C1QTNF3: variants seen among roughly 807,000 people sequenced by gnomAD.
C1QTNF3 encodes C1q and TNF related 3.
In C1QTNF3, 26 loss-of-function variants were observed where a neutral mutation model predicts 32.6. That is an observed-to-expected ratio of 0.80 (90% CI 0.58 to 1.11). The LOEUF is 1.11. C1QTNF3 is among the 50% of genes least tolerant of loss of function. The probability of loss-of-function intolerance (pLI) is 0.00; values close to 1 mark genes in which losing one functional copy is unlikely to be tolerated. For missense variants in C1QTNF3, 362 were observed against 398.2 expected (o/e 0.91, Z 0.77); for synonymous variants, 155 against 146.0 (o/e 1.06, Z -0.44).
At chr5:34,225,783 G>A in the C1QTNF3 span, among the ~76,000 whole-genome samples, 2 of 151,724 alleles carry the variant, frequency 1.3e-5, no homozygotes, top group East Asian at 1.9e-4. Context: ...TCTTTATGGT[G>A]ACAAATCTCA....
chr5:34,044,667 G>A (rs981799449), upstream of C1QTNF3, among the ~76,000 whole-genome samples: 3 of 152,176 alleles, frequency 2.0e-5, no homozygotes, highest in African/African-American at 7.2e-5. Context: ...TTGGTGCTGG[G>A]GACGGAGGGA....
the C1QTNF3 span, among the ~76,000 whole-genome samples, chr5:34,221,148 T>A: frequency 6.6e-5 from 10 of 152,128 alleles, no homozygotes; most frequent in Admixed American, 1.3e-4. Flanking sequence ...TGAATTTTTT[T>A]AAATGATTCC....
chr5:34,231,246 G>A, the C1QTNF3 span, among the ~76,000 whole-genome samples: 1 of 152,160 alleles, frequency 6.6e-6, no homozygotes. Flanking sequence ...GTCATCTTTT[G>A]TAAAGTTATG....
chr5:34,197,564 A>C, the C1QTNF3 span, among the ~76,000 whole-genome samples: 1 of 152,184 alleles, frequency 6.6e-6, no homozygotes, highest in Non-Finnish European at 1.5e-5. Flanking sequence ...TTAATGGCTT[A>C]AAATAACAAA....
chr5:34,092,107 T>C, the C1QTNF3 span, among the ~76,000 whole-genome samples: 1 of 151,772 alleles, frequency 6.6e-6, no homozygotes, highest in Non-Finnish European at 1.5e-5. Flanking sequence ...TCATAATCGT[T>C]ACTCAATAAT....
chr5:34,090,490 T>C, the C1QTNF3 span, among the ~76,000 whole-genome samples: 1 of 151,148 alleles, frequency 6.6e-6, no homozygotes, highest in African/African-American at 2.4e-5. Context: ...AGATTTTTCA[T>C]AGAGCAGATA....
chr5:34,067,448 G>A, the C1QTNF3 span, among the ~76,000 whole-genome samples: 1 of 152,204 alleles, frequency 6.6e-6, no homozygotes, highest in East Asian at 1.9e-4. Context: ...CACATGGCTG[G>A]GAAGCCTCAC....
chr5:34,207,780 G>T, the C1QTNF3 span, among the ~76,000 whole-genome samples: 1 of 151,558 alleles, frequency 6.6e-6, no homozygotes, highest in East Asian at 1.9e-4. Flanking sequence ...GACTTAGCAT[G>T]CTTGAGAAAG....
the C1QTNF3 span, among the ~76,000 whole-genome samples, chr5:34,146,452 C>T: frequency 1.3e-5 from 2 of 152,128 alleles, no homozygotes; most frequent in Admixed American, 6.6e-5. Context: ...TAGCATGATA[C>T]TTGTACAAAA....
chr5:34,215,970 G>A, the C1QTNF3 span, among the ~76,000 whole-genome samples: 1 of 152,136 alleles, frequency 6.6e-6, no homozygotes, highest in African/African-American at 2.4e-5. Flanking sequence ...CTTTTGTGCT[G>A]TGGCCAAGTT....
At chr5:34,056,455 T>TGC in the C1QTNF3 span, among the ~76,000 whole-genome samples, 54 of 39,022 alleles carry the variant, frequency 1.4e-3, no homozygotes, top group African/African-American at 5.9e-3. Context: ...TGTGTGTGTG[T>TGC]ATATATATAT....
chr5:34,131,250 C>T, the C1QTNF3 span, among the ~76,000 whole-genome samples: 1 of 151,594 alleles, frequency 6.6e-6, no homozygotes, highest in Non-Finnish European at 1.5e-5. Flanking sequence ...TGCCTGAAAT[C>T]AACACTTTAT....
At chr5:34,207,176 AT>A in the C1QTNF3 span, among the ~76,000 whole-genome samples, 1 of 151,188 alleles carries the variant, frequency 6.6e-6, no homozygotes, top group African/African-American at 2.4e-5. Flanking sequence ...CGGTGGAAGA[AT>A]TTTTTTTTCA....
the C1QTNF3 span, among the ~76,000 whole-genome samples, chr5:34,163,545 A>G: frequency 1.7e-4 from 26 of 152,060 alleles, no homozygotes; most frequent in Non-Finnish European, 2.6e-4. Context: ...ATGATATACT[A>G]AAGTTTCTGC....
At chr5:34,178,420 C>A in the C1QTNF3 span, among the ~76,000 whole-genome samples, 1 of 152,184 alleles carries the variant, frequency 6.6e-6, no homozygotes, top group African/African-American at 2.4e-5. Context: ...GCAAACAGAA[C>A]AGTGCAGTCC....
At chr5:34,143,359 G>C in the C1QTNF3 span, among the ~76,000 whole-genome samples, 1 of 152,164 alleles carries the variant, frequency 6.6e-6, no homozygotes, top group African/African-American at 2.4e-5. Context: ...AAATACACTT[G>C]AGGACATAGG....
chr5:34,109,593 T>G, the C1QTNF3 span, among the ~76,000 whole-genome samples: 3 of 152,036 alleles, frequency 2.0e-5, no homozygotes, highest in Admixed American at 1.3e-4. Context: ...AGCTTTAATC[T>G]TATTTCTTAC....
the C1QTNF3 span, among the ~76,000 whole-genome samples, chr5:34,143,659 T>G: frequency 6.6e-6 from 1 of 152,172 alleles, no homozygotes; most frequent in Non-Finnish European, 1.5e-5. Flanking sequence ...GAAATTCCAA[T>G]GAAGACTTTC....
the C1QTNF3 span, among the ~76,000 whole-genome samples, chr5:34,213,923 C>T: frequency 1.2e-4 from 17 of 145,758 alleles, no homozygotes; most frequent in African/African-American, 4.1e-4. Context: ...GCAATTCTCC[C>T]GCCTCAGCCT....
Sources: allele counts gnomAD v4.1 joint callset (sites outside exome capture counted in the v4.1 genomes callset), GRCh38; gene constraint gnomAD v4.1.1; transcripts MANE v1.5; gene names NCBI Gene and HGNC (gene_info 2026-07-23, HGNC 2026-07-21).